CDH13: variants seen among roughly 807,000 people sequenced by gnomAD.
CDH13 encodes cadherin 13.
In CDH13, 24 loss-of-function variants were observed where a neutral mutation model predicts 63.8. The observed-to-expected ratio is 0.38, with a 90% CI of 0.27 to 0.53. CDH13 has a LOEUF of 0.53. CDH13 is among the 20% of genes least tolerant of loss of function. CDH13 has a pLI of 0.85. For missense variants in CDH13, 1,049 were observed against 903.1 expected, an observed-to-expected ratio of 1.16 and a Z score of -2.07; for synonymous variants, 503 against 355.3, an observed-to-expected ratio of 1.42 and a Z score of -4.67.
At chr16:82,794,947 G>A (rs568639503) in intron 1 of CDH13, among the ~76,000 whole-genome samples, 2 of 152,278 alleles carry the variant, frequency 1.3e-5, no homozygotes, top group South Asian at 2.1e-4. Flanking sequence ...GTTGGTCTAC[G>A]AAAACCATTA....
intron 1 of CDH13, among the ~76,000 whole-genome samples, chr16:82,769,700 A>C (rs1244343682): frequency 6.6e-6 from 1 of 152,260 alleles, no homozygotes; most frequent in East Asian, 1.9e-4. Flanking sequence ...TTATGTTTGC[A>C]AATGACAAAT....
intron 5 of CDH13, among the ~76,000 whole-genome samples, chr16:83,276,395 A>C (rs1383725249): frequency 2.6e-5 from 4 of 152,094 alleles, no homozygotes; most frequent in Admixed American, 2.6e-4. Context: ...TATGACTTGC[A>C]AGCACCTTGA....
At chr16:83,370,628 C>G (rs767019404) in intron 6 of CDH13, among the ~76,000 whole-genome samples, 1 of 152,112 alleles carries the variant, frequency 6.6e-6, no homozygotes, top group Non-Finnish European at 1.5e-5. Context: ...CACCCTCCAC[C>G]CTTAAGTAGG....
At chr16:83,400,220 A>T (rs1038139655) in intron 6 of CDH13, among the ~76,000 whole-genome samples, 2 of 152,088 alleles carry the variant, frequency 1.3e-5, no homozygotes, top group Non-Finnish European at 2.9e-5. Context: ...GATGACTTTT[A>T]AAGAAATCGA....
intron 2 of CDH13, among the ~76,000 whole-genome samples, chr16:82,904,936 C>A (rs2041593540): frequency 6.6e-6 from 1 of 152,022 alleles, no homozygotes; most frequent in African/African-American, 2.4e-5. Flanking sequence ...GCAGTTTCTC[C>A]CTAAATGAAC....
intron 1 of CDH13, among the ~76,000 whole-genome samples, chr16:82,777,975 A>G (rs571279113): frequency 9.8e-5 from 15 of 152,314 alleles, no homozygotes; most frequent in African/African-American, 2.9e-4. Flanking sequence ...CAGAAGCCAC[A>G]GTTTTTGATA....
At position 83,087,895 on chromosome 16, in the gene CDH13, G is replaced by C. The variant is rs2151576640; in HGVS notation, c.367-37490G>C. 1.3e-5 allele frequency among the ~76,000 whole-genome samples: 2 copies of C among 152,170 alleles called. 1 individual carries two copies. Among genetic ancestry groups the C allele is most frequent in the Middle Eastern group, 6.8e-3 (2 of 294 alleles). On this transcript the variant is annotated intron_variant, in intron 3 of 13. Transcript: ENST00000567109. ...AAGATGGTTTCATAGGTAGTAATAA[G>C]AGCAGCAAGAGAAGAAAATAGTGTG...
chr16:82,752,053 C>T (rs1392328460), intron 1 of CDH13, among the ~76,000 whole-genome samples: 4 of 152,280 alleles, frequency 2.6e-5, no homozygotes, highest in African/African-American at 4.8e-5. Flanking sequence ...TTGGGGGAAA[C>T]AAGATGATAG....
chr16:83,645,375 A>G (rs1226332784), intron 8 of CDH13, among the ~76,000 whole-genome samples: 1 of 152,188 alleles, frequency 6.6e-6, no homozygotes. Context: ...CGTGGAAACA[A>G]TAGACAGTGA....
chr16:83,433,326 TC>T (rs1489336309), intron 6 of CDH13, among the ~76,000 whole-genome samples: 1 of 152,170 alleles, frequency 6.6e-6, no homozygotes, highest in African/African-American at 2.4e-5. Context: ...GCCTCTGCCT[TC>T]CCCTTGAGGC....
intron 1 of CDH13, among the ~76,000 whole-genome samples, chr16:82,800,487 C>T (rs148455288): frequency 3.2e-4 from 48 of 152,214 alleles, no homozygotes; most frequent in African/African-American, 1.2e-3. Context: ...TTAGAAGGCC[C>T]GTTAACCTCC....
At chr16:83,201,015 G>C (rs1027876858) in intron 4 of CDH13, among the ~76,000 whole-genome samples, 2 of 151,440 alleles carry the variant, frequency 1.3e-5, no homozygotes, top group African/African-American at 4.9e-5. Flanking sequence ...GAATGACTCT[G>C]TTGGAGGATA....
At chr16:83,042,714 C>A (rs143417378) in intron 3 of CDH13, among the ~76,000 whole-genome samples, 1 of 152,170 alleles carries the variant, frequency 6.6e-6, no homozygotes, top group Non-Finnish European at 1.5e-5. Context: ...ATGAGAGCAA[C>A]AAGCTCGTGG....
At chr16:83,758,726 T>C (rs1377751449) in intron 11 of CDH13, among the ~76,000 whole-genome samples, 1 of 152,242 alleles carries the variant, frequency 6.6e-6, no homozygotes, top group African/African-American at 2.4e-5. Context: ...TTGTTTTATA[T>C]ACCCCAGCAG....
chr16:83,460,565 TG>T (rs1276958440), intron 6 of CDH13, among the ~76,000 whole-genome samples: 1 of 152,172 alleles, frequency 6.6e-6, no homozygotes, highest in African/African-American at 2.4e-5. Flanking sequence ...CATGCATATG[TG>T]GAAAACACAG....
At chr16:82,977,350 G>A (rs1216967094) in intron 2 of CDH13, among the ~76,000 whole-genome samples, 1 of 152,148 alleles carries the variant, frequency 6.6e-6, no homozygotes, top group Non-Finnish European at 1.5e-5. Context: ...TCAGCATTAA[G>A]TCACCCACAT....
chr16:83,748,608 C>G (rs948222549), intron 11 of CDH13, among the ~76,000 whole-genome samples: 5 of 152,102 alleles, frequency 3.3e-5, no homozygotes, highest in African/African-American at 1.2e-4. Flanking sequence ...GAAAGTAAGT[C>G]CCAGAGGACA....
chr16:82,658,705 G>T (rs1911582635), intron 1 of CDH13, among the ~76,000 whole-genome samples: 1 of 152,150 alleles, frequency 6.6e-6, no homozygotes, highest in African/African-American at 2.4e-5. Context: ...TCAGCACATG[G>T]TGGCTGCCAT....
At chr16:82,918,407 G>A (rs1194228437) in intron 2 of CDH13, among the ~76,000 whole-genome samples, 2 of 152,028 alleles carry the variant, frequency 1.3e-5, no homozygotes, top group African/African-American at 4.8e-5. Flanking sequence ...GACAGCAGAT[G>A]GGCAGGGCCA....
Sources: gnomAD v4.1 joint callset for allele counts (sites outside exome capture counted in the v4.1 genomes callset) on GRCh38, gnomAD v4.1.1 for gene constraint, MANE v1.5 for transcripts, NCBI Gene and HGNC (gene_info 2026-07-23, HGNC 2026-07-21) for gene names.